Variants in OPN3 observed in about 807,000 individuals in gnomAD.
The protein encoded by OPN3 is opsin-3.
Under a neutral mutation model 33.8 loss-of-function variants are expected in OPN3, and 29 were observed. The ratio of observed to expected loss-of-function variants is 0.86; its 90% CI spans 0.64 to 1.17. OPN3 has a LOEUF of 1.17. OPN3 is among the 50% of genes most tolerant of loss of function. The pLI is 0.00. For missense variants in OPN3, 437 were observed against 514.1 expected, an observed-to-expected ratio of 0.85 and a Z score of 1.45; for synonymous variants, 216 against 216.1, an observed-to-expected ratio of 1.00 and a Z score of 0.00.
chr1:241,635,477 TGAA>T, intron 1 of OPN3: 2 of 1,613,904 alleles, frequency 1.2e-6, no homozygotes, highest in Non-Finnish European at 1.7e-6. Flanking sequence ...TTCTGTGTGT[TGAA>T]TAGTTTCATC....
intron 1 of OPN3, chr1:241,633,537 C>A (rs1664733178): frequency 2.2e-6 from 1 of 456,174 alleles, no homozygotes; most frequent in East Asian, 4.4e-5. Flanking sequence ...ATACCCAATA[C>A]TAAAATAAAG....
intron 1 of OPN3, among the ~76,000 whole-genome samples, chr1:241,608,796 T>C (rs1018707371): frequency 6.6e-6 from 1 of 152,232 alleles, no homozygotes; most frequent in Admixed American, 6.5e-5. Flanking sequence ...GACATGTTAG[T>C]ACAGATCTAG....
chr1:241,622,866 G>C (rs551420158), intron 1 of OPN3, among the ~76,000 whole-genome samples: 3 of 152,206 alleles, frequency 2.0e-5, no homozygotes, highest in South Asian at 4.1e-4. Context: ...TTCGAGCATA[G>C]TGTCCAGTAG....
intron 1 of OPN3, chr1:241,636,081 A>G: frequency 2.3e-6 from 1 of 440,086 alleles, no homozygotes; most frequent in Non-Finnish European, 4.0e-6. Flanking sequence ...TCTCTGAAAG[A>G]AGAAAATTCA....
intron 1 of OPN3, among the ~76,000 whole-genome samples, chr1:241,637,828 AGACCAATGGTCT>A (rs1664957512): frequency 6.6e-6 from 1 of 152,216 alleles, no homozygotes; most frequent in African/African-American, 2.4e-5. Context: ...TTGTGCCATC[AGACCAATGGTCT>A]TTCCAACAGA....
chr1:241,633,028 C>A (rs1664707703), intron 1 of OPN3: 2 of 152,244 alleles, frequency 1.3e-5, no homozygotes, highest in African/African-American at 4.8e-5. Context: ...CAGAAATTTT[C>A]TGAAGTATTA....
chr1:241,634,266 A>C, intron 1 of OPN3: 1 of 1,613,986 alleles, frequency 6.2e-7, no homozygotes, highest in Non-Finnish European at 8.5e-7. Flanking sequence ...TCCTTCATGC[A>C]TGTCATGGTT....
intron 1 of OPN3, chr1:241,615,792 G>A (rs973197209): frequency 2.2e-5 from 10 of 452,668 alleles, no homozygotes; most frequent in South Asian, 9.3e-5. Context: ...TCCCAGCAGC[G>A]GTGGCTCTAT....
Position 241,640,227 on chromosome 1 carries a change from G to A in OPN3, c.28C>T (p.His10Tyr). 1 of 1,326,748 alleles carries A rather than the reference G, an allele frequency of 7.5e-7. No individual in the cohort carries two copies. Among genetic ancestry groups the A allele is most frequent in the Non-Finnish European group, 9.6e-7 (1 of 1,045,968 alleles). 82.2% of individuals were successfully genotyped at this position (1,326,748 alleles called of 1,614,324 possible). A position where few individuals can be genotyped will look rare whatever the true frequency, so the allele number is the denominator to read the frequency against. MYSGNRSGG[H>Y]GYWDGGGAAG... Reference sequence around the variant, plus strand: ...GCCCCGCCGCCGTCCCAGTAGCCGTGGCCGCCGCTGCGGTTCCCCGAGTAC... The same window carrying A: ...GCCCCGCCGCCGTCCCAGTAGCCGTAGCCGCCGCTGCGGTTCCCCGAGTAC... The change falls in exon 1 of 4, where the codon CAC (histidine) becomes TAC (tyrosine). Residue 10 changes from histidine (H) to tyrosine (Y), a missense_variant. Coordinates refer to ENST00000366554, the MANE Select transcript of OPN3 (RefSeq NM_014322.3).
At position 241,604,311 on chromosome 1, in the gene OPN3, G is replaced by A. The variant is rs1169446964; in HGVS notation, c.642C>T (p.Pro214=). Residue 214 remains proline, a synonymous_variant, in exon 2 of 4, where the codon CCC becomes CCT. Transcript: ENST00000366554. ...LFLFLGCLVV[P]LGVIAHCYGH... is the part of the protein sequence containing the mutation. ...CATAGCAATGGGCTATGACACCCAG[G>A]GGCACCACCAGGCAGCCAAGAAATA... 1.2e-5 allele frequency: 19 copies of A among 1,614,094 alleles called. No homozygotes were observed. The highest frequency in any genetic ancestry group is 1.5e-5 in the Non-Finnish European group (18 of 1,179,988).
At chr1:241,632,075 T>C (rs1664656335) in intron 1 of OPN3, 1 of 152,150 alleles carries the variant, frequency 6.6e-6, no homozygotes, top group Non-Finnish European at 1.5e-5. Context: ...TTCCCACGTG[T>C]TGTGGGAGGA....
At position 241,608,524 on chromosome 1, in the gene OPN3, A is replaced by C. The variant is rs143404977; in HGVS notation, c.374-3945T>G. Among the ~76,000 whole-genome samples the C allele has an allele frequency of 3.3e-5, 5 of 152,302 alleles. No individual in the cohort carries two copies. In the East Asian group the frequency reaches 9.6e-4, roughly 29 times the overall value. On this transcript the variant is annotated intron_variant, in intron 1 of 3. Coordinates refer to ENST00000366554, the MANE Select transcript of OPN3 (RefSeq NM_014322.3). ...ATAGAGAGTGCAGGGATAGAGGATA[A>C]TGTGAGGCATGGTGGGAAGGACACA...
intron 2 of OPN3, among the ~76,000 whole-genome samples, chr1:241,599,820 T>A (rs1022548253): frequency 6.6e-6 from 1 of 152,170 alleles, no homozygotes; most frequent in Non-Finnish European, 1.5e-5. Context: ...CCTATGAGAA[T>A]TAACAGAACT....
Position 241,594,405 on chromosome 1 carries a change from T to C in OPN3, c.*23A>G. 1.2e-6 allele frequency: 2 copies of C among 1,603,598 alleles called. No individual in the cohort carries two copies. The highest frequency in any genetic ancestry group is 8.5e-7 in the Non-Finnish European group (1 of 1,173,216). ...AAGTGGCATCCAATTTAAGGCCCCA[T>C]CTTTCGTTGCCATTCTTCATTCCTA... On this transcript the variant is annotated 3_prime_UTR_variant, in exon 4 of 4. Transcript: ENST00000366554.
At chr1:241,614,556 T>C (rs1021611941) in intron 1 of OPN3, among the ~76,000 whole-genome samples, 4 of 152,248 alleles carry the variant, frequency 2.6e-5, no homozygotes, top group Non-Finnish European at 5.9e-5. Flanking sequence ...CCTCCTAGGC[T>C]ACGCTGGGCA....
At chr1:241,635,832 TA>T in intron 1 of OPN3, 1 of 1,475,062 alleles carries the variant, frequency 6.8e-7, no homozygotes, top group South Asian at 1.3e-5. Flanking sequence ...TATGCTGTAA[TA>T]AAATCTGTCC....
At chr1:241,635,522 T>C (rs1347929377) in intron 1 of OPN3, 1 of 1,614,020 alleles carries the variant, frequency 6.2e-7, no homozygotes, top group South Asian at 1.1e-5. Flanking sequence ...TTCTTCTGTT[T>C]CATGGATCAG....
At chr1:241,634,135 TG>T in intron 1 of OPN3, 2 of 1,613,120 alleles carry the variant, frequency 1.2e-6, no homozygotes, top group Non-Finnish European at 1.7e-6. Context: ...GTCTTGGCTT[TG>T]TAAGTTCTTC....
intron 1 of OPN3, among the ~76,000 whole-genome samples, chr1:241,618,094 G>C (rs970549087): frequency 1.3e-5 from 2 of 150,268 alleles, no homozygotes; most frequent in Non-Finnish European, 3.0e-5. Flanking sequence ...CACAAAGTAG[G>C]TGTTAGAACA....
Sources: allele counts gnomAD v4.1 joint callset (sites outside exome capture counted in the v4.1 genomes callset), GRCh38; gene constraint gnomAD v4.1.1; transcripts MANE v1.5; gene names NCBI Gene and HGNC (gene_info 2026-07-23, HGNC 2026-07-21).